Variants in MAGEA11 observed in about 807,000 individuals in gnomAD.
MAGEA11 encodes MAGE family member A11.
MAGEA11 carries 1 observed loss-of-function variant against 8.4 expected under a neutral mutation model. That is an observed-to-expected ratio of 0.12 (90% CI 0.04 to 0.57). MAGEA11 has a LOEUF of 0.57. Among genes scored for constraint, MAGEA11 ranks in the 20% least tolerant of loss-of-function variants. The pLI is 0.91. For synonymous variants in MAGEA11, 127 were observed against 119.3 expected (o/e 1.06, Z -0.42); for missense variants, 209 against 317.3 (o/e 0.66, Z 2.59).
chrX:149,693,815 A>G, intron 1 of MAGEA11, among the ~76,000 whole-genome samples: 1 of 112,152 alleles, frequency 8.9e-6, no homozygotes, highest in Non-Finnish European at 1.9e-5. Flanking sequence ...GTAATCATAC[A>G]ACATGTAGCT....
chrX:149,703,267 G>T (rs1388511816), intron 1 of MAGEA11, among the ~76,000 whole-genome samples: 8 of 112,486 alleles, frequency 7.1e-5, no homozygotes, highest in African/African-American at 2.6e-4. Context: ...TTGGAAAGTA[G>T]GTAACTCTAG....
upstream of MAGEA11, among the ~76,000 whole-genome samples, chrX:149,710,057 T>C (rs2090392799): frequency 8.9e-6 from 1 of 111,827 alleles, no homozygotes; most frequent in African/African-American, 3.2e-5. Flanking sequence ...TTCAAAAAAA[T>C]GCACACTTGA....
Position 149,702,410 on chromosome X carries a change from T to G in MAGEA11, c.10-12071T>G, listed in dbSNP as rs1452050241. ...TAGACTAAAACTTTTATCATCATTATAAAATATCTTTCTTTTTCTCTAGTA... is the reference window on the plus strand; with the variant it reads ...TAGACTAAAACTTTTATCATCATTAGAAAATATCTTTCTTTTTCTCTAGTA... On this transcript the variant is annotated intron_variant, in intron 1 of 3. Transcript: ENST00000333104. Among the ~76,000 whole-genome samples, 3 of 111,972 alleles carry G rather than the reference T, an allele frequency of 2.7e-5. No homozygotes were observed. The East Asian group carries it at 8.3e-4, about 31-fold the overall frequency.
chrX:149,712,533 C>T (rs1281547177), intron 1 of MAGEA11, among the ~76,000 whole-genome samples: 3 of 110,585 alleles, frequency 2.7e-5, no homozygotes, highest in Non-Finnish European at 3.8e-5. Flanking sequence ...AGTGATAGCC[C>T]GGTTCTGAAG....
At chrX:149,688,705 TATACACATACAC>T (rs1290959218), upstream of MAGEA11, 41 of 142,010 alleles carry the variant, frequency 2.9e-4, no homozygotes, top group Admixed American at 5.8e-4. Flanking sequence ...TACATATACA[TATACACATACAC>T]ATACATATAC....
upstream of MAGEA11, chrX:149,711,888 G>A: frequency 3.3e-6 from 2 of 605,699 alleles, no homozygotes; most frequent in Non-Finnish European, 4.0e-6. Flanking sequence ...CATGACCCTC[G>A]ACCACATCTG....
intron 1 of MAGEA11, among the ~76,000 whole-genome samples, chrX:149,704,703 A>G (rs1410591143): frequency 2.7e-5 from 3 of 112,114 alleles, no homozygotes; most frequent in Middle Eastern, 4.6e-3. Context: ...ACCATTTGAC[A>G]TGGATATCAG....
At chrX:149,708,857 T>C (rs1557361682), upstream of MAGEA11, among the ~76,000 whole-genome samples, 1 of 111,340 alleles carries the variant, frequency 9.0e-6, no homozygotes, top group East Asian at 2.8e-4. Flanking sequence ...TTGAAGATTT[T>C]TGATGCTGAA....
intron 1 of MAGEA11, among the ~76,000 whole-genome samples, chrX:149,706,011 T>C (rs1367195072): frequency 8.9e-6 from 1 of 112,160 alleles, no homozygotes; most frequent in African/African-American, 3.2e-5. Flanking sequence ...GACAAAGCAG[T>C]CTGCTCTGGA....
chrX:149,704,859 C>G (rs1289542873), intron 1 of MAGEA11, among the ~76,000 whole-genome samples: 1 of 112,704 alleles, frequency 8.9e-6, no homozygotes, highest in Non-Finnish European at 1.9e-5. Flanking sequence ...AGGCTGGCAA[C>G]CAGATACATG....
intron 1 of MAGEA11, among the ~76,000 whole-genome samples, chrX:149,703,941 A>C (rs1694354806): frequency 8.9e-6 from 1 of 112,127 alleles, no homozygotes; most frequent in African/African-American, 3.2e-5. Flanking sequence ...GAAGTACATA[A>C]AGGATACTTG....
chrX:149,688,675 T>TATACATATACATATACATATACAC (rs2090297289), upstream of MAGEA11: 1 of 145,826 alleles, frequency 6.9e-6, no homozygotes, highest in African/African-American at 4.0e-5. Flanking sequence ...TACATATACA[T>TATACATATACATATACATATACAC]ATACATATAC....
intron 1 of MAGEA11, among the ~76,000 whole-genome samples, chrX:149,692,277 C>T (rs1330727182): frequency 9.9e-5 from 11 of 111,017 alleles, no homozygotes; most frequent in Admixed American, 2.9e-4. Context: ...TGTGGTGACA[C>T]ACACCTGTAA....
chrX:149,699,824 A>C (rs1311547903), intron 1 of MAGEA11, among the ~76,000 whole-genome samples: 2 of 112,081 alleles, frequency 1.8e-5, no homozygotes, highest in Non-Finnish European at 3.8e-5. Context: ...GAGTAATTAT[A>C]AAGGAAAAAA....
In MAGEA11 at chrX:149,716,631, A is replaced by G. The variant is rs782272936; in HGVS notation, c.1145A>G (p.Tyr382Cys). Residue 382 changes from tyrosine (Y) to cysteine (C), a missense_variant, in exon 5 of 5, where the codon TAT becomes TGT. Coordinates refer to ENST00000355220, the MANE Select transcript of MAGEA11 (RefSeq NM_005366.5). ...RQVPGTDPAC[Y>C]EFLWGPRAHA... Reference sequence around the variant, plus strand: ...GTGCCCGGCACTGATCCTGCATGCTATGAGTTCCTGTGGGGTCCAAGGGCC... The same window carrying G: ...GTGCCCGGCACTGATCCTGCATGCTGTGAGTTCCTGTGGGGTCCAAGGGCC... 1.7e-6 allele frequency: 2 copies of G among 1,211,968 alleles called. No homozygotes were observed. Among genetic ancestry groups the G allele is most frequent in the Non-Finnish European group, 1.1e-6 (1 of 895,541 alleles).
At position 149,716,817 on chromosome X, in the gene MAGEA11, C is replaced by T. The variant is rs782704046; in HGVS notation, c.*41C>T. On this transcript the variant is annotated 3_prime_UTR_variant, in exon 5 of 5. Coordinates refer to ENST00000355220, the MANE Select transcript of MAGEA11 (RefSeq NM_005366.5). ...AGGGCCAGCGGGCAGGGAAATGGGC[C>T]AATGCATGCTTCAGGGCCACACCCA... The T allele has an allele frequency of 8.9e-7, 1 of 1,119,832 alleles. No homozygotes were observed. Among genetic ancestry groups the T allele is most frequent in the Non-Finnish European group, 1.2e-6 (1 of 831,540 alleles). The allele number at this position is 1,119,832 out of a possible 1,213,427, so 92.3% of individuals were successfully genotyped here. A position where few individuals can be genotyped will look rare whatever the true frequency, so the allele number is the denominator to read the frequency against.
chrX:149,705,291 G>C (rs2090372325), intron 1 of MAGEA11, among the ~76,000 whole-genome samples: 1 of 111,627 alleles, frequency 9.0e-6, no homozygotes, highest in African/African-American at 3.3e-5. Context: ...CATGGGGGCA[G>C]TTACCCTATG....
intron 1 of MAGEA11, among the ~76,000 whole-genome samples, chrX:149,692,222 C>T (rs1557360196): frequency 1.8e-5 from 2 of 111,579 alleles, no homozygotes; most frequent in Non-Finnish European, 3.8e-5. Context: ...GCCTGGCCAA[C>T]CTGGCAAAAC....
At chrX:149,706,337 G>A (rs1471711045) in intron 1 of MAGEA11, among the ~76,000 whole-genome samples, 30 of 111,906 alleles carry the variant, frequency 2.7e-4, no homozygotes, top group Admixed American at 2.2e-3. Flanking sequence ...GGGGTACACC[G>A]AGATCCTAGA....
Sources: allele counts gnomAD v4.1 joint callset (sites outside exome capture counted in the v4.1 genomes callset), GRCh38; gene constraint gnomAD v4.1.1; transcripts MANE v1.5; gene names NCBI Gene and HGNC (gene_info 2026-07-23, HGNC 2026-07-21).